The following CNTNAP5 variants were observed in gnomAD, a reference collection of about 807,000 sequenced individuals.
CNTNAP5 encodes the protein contactin-associated protein-like 5.
CNTNAP5 carries 72 observed loss-of-function variants against 150.2 expected under a neutral mutation model. The observed-to-expected ratio is 0.48, with a 90% CI of 0.40 to 0.58. CNTNAP5 has a LOEUF of 0.58. Among genes scored for constraint, CNTNAP5 ranks in the 20% least tolerant of loss-of-function variants. CNTNAP5 has a pLI of 0.00. For synonymous variants in CNTNAP5, 672 were observed against 619.8 expected, an observed-to-expected ratio of 1.08 and a Z score of -1.25; for missense variants, 1,636 against 1,626.2, an observed-to-expected ratio of 1.01 and a Z score of -0.10.
chr2:124,231,625 T>C (rs766637965), intron 2 of CNTNAP5, among the ~76,000 whole-genome samples: 3 of 152,180 alleles, frequency 2.0e-5, no homozygotes, highest in Non-Finnish European at 4.4e-5. Flanking sequence ...CCTATATATC[T>C]TGCCTTTTGA....
At chr2:124,896,828 C>T (rs776751573) in intron 21 of CNTNAP5, among the ~76,000 whole-genome samples, 19 of 151,704 alleles carry the variant, frequency 1.3e-4, no homozygotes, top group East Asian at 1.9e-4. Context: ...CATAAGCCAC[C>T]GCACCTGGCT....
intron 19 of CNTNAP5, among the ~76,000 whole-genome samples, chr2:124,812,813 T>C (rs1332777611): frequency 2.0e-5 from 3 of 152,098 alleles, no homozygotes; most frequent in Non-Finnish European, 4.4e-5. Flanking sequence ...TAAAACCAAG[T>C]TGCACCCCAA....
intron 6 of CNTNAP5, among the ~76,000 whole-genome samples, chr2:124,453,077 A>G (rs1693027460): frequency 6.6e-6 from 1 of 152,162 alleles, no homozygotes; most frequent in African/African-American, 2.4e-5. Context: ...TATTCAGCTA[A>G]TCAGTGAGAT....
chr2:124,088,207 C>T (rs1444447841), intron 1 of CNTNAP5, among the ~76,000 whole-genome samples: 1 of 152,064 alleles, frequency 6.6e-6, no homozygotes, highest in African/African-American at 2.4e-5. Context: ...ATCTCCTTTT[C>T]TGCTATTAAG....
At chr2:124,503,853 T>C (rs1376329425) in intron 7 of CNTNAP5, among the ~76,000 whole-genome samples, 2 of 152,232 alleles carry the variant, frequency 1.3e-5, no homozygotes, top group Non-Finnish European at 2.9e-5. Context: ...CTTCCTTTGT[T>C]TTGTTTTCCT....
chr2:124,749,377 C>CCCTT (rs201144835), intron 14 of CNTNAP5, among the ~76,000 whole-genome samples: 2,135 of 147,538 alleles, frequency 0.014, 58 homozygotes, highest in African/African-American at 0.05. Context: ...TTCCCTCTCT[C>CCCTT]CCTTCCTTCC....
At chr2:124,743,902 T>C (rs1313476458) in intron 13 of CNTNAP5, among the ~76,000 whole-genome samples, 1 of 152,196 alleles carries the variant, frequency 6.6e-6, no homozygotes, top group Non-Finnish European at 1.5e-5. Context: ...TGTTGTTCAT[T>C]TACTTTGTCT....
intron 6 of CNTNAP5, among the ~76,000 whole-genome samples, chr2:124,453,208 A>G (rs1357347074): frequency 6.6e-6 from 1 of 152,192 alleles, no homozygotes; most frequent in Non-Finnish European, 1.5e-5. Flanking sequence ...TTAGGAATCA[A>G]CAGATGCACT....
intron 1 of CNTNAP5, among the ~76,000 whole-genome samples, chr2:124,092,509 AATGTATAGATG>A (rs1682838060): frequency 6.6e-6 from 1 of 152,148 alleles, no homozygotes; most frequent in Non-Finnish European, 1.5e-5. Context: ...TAATCCTTTC[AATGTATAGATG>A]AGGTGACAAA....
chr2:124,829,480 T>C (rs1682668215), intron 19 of CNTNAP5, among the ~76,000 whole-genome samples: 1 of 152,202 alleles, frequency 6.6e-6, no homozygotes, highest in African/African-American at 2.4e-5. Context: ...AATCTGATTT[T>C]CTTTCCTGAC....
At chr2:124,655,984 A>G (rs1353965812) in intron 13 of CNTNAP5, among the ~76,000 whole-genome samples, 1 of 149,272 alleles carries the variant, frequency 6.7e-6, no homozygotes, top group Non-Finnish European at 1.5e-5. Context: ...AGAAAGAAAG[A>G]AAGAAAGAAA....
At chr2:124,304,169 T>C (rs966339852) in intron 3 of CNTNAP5, among the ~76,000 whole-genome samples, 1 of 152,250 alleles carries the variant, frequency 6.6e-6, no homozygotes, top group African/African-American at 2.4e-5. Context: ...ATAAGTTGTA[T>C]ACTTTGGCAA....
rs188915092 is a variant in CNTNAP5 at position 124,631,796 on chromosome 2, T to G, written c.1877-15962T>G. On this transcript the variant is annotated intron_variant, in intron 12 of 23. Transcript: ENST00000682447. ...CAGAGCAAACAGACAACCTACAGAA[T>G]GGGAGAACATTTCTGCAATTTATCC... Among the ~76,000 whole-genome samples the G allele has an allele frequency of 3.0e-3, 454 of 152,268 alleles. 2 individuals are homozygous for G. The highest frequency in any genetic ancestry group is 0.01 in the African/African-American group (429 of 41,556).
intron 3 of CNTNAP5, among the ~76,000 whole-genome samples, chr2:124,339,712 A>C (rs149501958): frequency 1.4e-4 from 21 of 152,298 alleles, no homozygotes; most frequent in African/African-American, 3.9e-4. Flanking sequence ...GGCAACCCAC[A>C]TGGGGAAACT....
intron 19 of CNTNAP5, among the ~76,000 whole-genome samples, chr2:124,854,847 G>T (rs775167339): frequency 7.2e-5 from 11 of 152,148 alleles, no homozygotes; most frequent in Non-Finnish European, 1.2e-4. Context: ...ATGGTGAAAA[G>T]AAAGATGTTA....
intron 3 of CNTNAP5, among the ~76,000 whole-genome samples, chr2:124,397,826 C>T (rs1379843692): frequency 6.6e-5 from 10 of 152,214 alleles, no homozygotes; most frequent in Admixed American, 2.6e-4. Context: ...ATGCAGCCAG[C>T]GATCCAGTGA....
At chr2:124,149,426 A>C (rs868420134) in intron 1 of CNTNAP5, among the ~76,000 whole-genome samples, 39 of 141,454 alleles carry the variant, frequency 2.8e-4, no homozygotes, top group South Asian at 1.1e-3. Flanking sequence ...AAAAAAAAAA[A>C]CTCAGGAAAA....
At chr2:124,843,409 T>A (rs970893180) in intron 19 of CNTNAP5, among the ~76,000 whole-genome samples, 4 of 152,112 alleles carry the variant, frequency 2.6e-5, no homozygotes, top group African/African-American at 9.6e-5. Context: ...CCTTATCCAC[T>A]CGTTGATTGA....
chr2:124,737,443 C>A (rs960372708), intron 13 of CNTNAP5, among the ~76,000 whole-genome samples: 8 of 152,074 alleles, frequency 5.3e-5, no homozygotes, highest in African/African-American at 1.9e-4. Context: ...CAGAGAGCAG[C>A]AAGCATCAAA....
Sources: allele counts gnomAD v4.1 joint callset (sites outside exome capture counted in the v4.1 genomes callset), GRCh38; gene constraint gnomAD v4.1.1; transcripts MANE v1.5; gene names NCBI Gene and HGNC (gene_info 2026-07-23, HGNC 2026-07-21).